Variants in EYS observed in about 807,000 individuals in gnomAD.
EYS encodes protein eyes shut homolog.
A neutral mutation model predicts 282.1 loss-of-function variants in EYS; 250 were observed. That is an observed-to-expected ratio of 0.89 (90% confidence interval 0.80 to 0.98). EYS has a LOEUF of 0.98. EYS is among the 50% of genes least tolerant of loss of function. The pLI is 0.00. For missense variants in EYS, 4,016 were observed against 3,709.0 expected, an observed-to-expected ratio of 1.08 and a Z score of -2.15; for synonymous variants, 1,355 against 1,282.9, an observed-to-expected ratio of 1.06 and a Z score of -1.20.
At chr6:64,326,554 T>C (rs1770429260) in intron 29 of EYS, among the ~76,000 whole-genome samples, 1 of 152,168 alleles carries the variant, frequency 6.6e-6, no homozygotes, top group African/African-American at 2.4e-5. Flanking sequence ...GTTATCACCT[T>C]AATTTGATAA....
rs372017506 is a variant in EYS at position 64,273,402 on chromosome 6, T to C, written c.6191+33568A>G. Among the ~76,000 whole-genome samples the C allele has an allele frequency of 1.2e-4, 19 of 152,340 alleles. No homozygotes were observed. The East Asian group carries it at 3.3e-3, about 26-fold the overall frequency. On this transcript the variant is annotated intron_variant, in intron 30 of 42. Transcript: ENST00000503581. The stretch of plus-strand genomic sequence containing the variant: ...TAATCATCTGCAATCTAATCTTTCT[T>C]GGGATAAATCTGTCCTCAGTGTTTT...
intron 35 of EYS, among the ~76,000 whole-genome samples, chr6:63,885,938 T>C (rs542238838): frequency 6.6e-5 from 10 of 152,222 alleles, no homozygotes; most frequent in Non-Finnish European, 1.3e-4. Context: ...CAAATAAGTA[T>C]TTGTTGAACA....
At chr6:63,841,358 T>C (rs1771952663) in intron 36 of EYS, among the ~76,000 whole-genome samples, 1 of 152,222 alleles carries the variant, frequency 6.6e-6, no homozygotes, top group Non-Finnish European at 1.5e-5. Context: ...CCACAGGTTT[T>C]AAGGGTTCTA....
At chr6:65,201,396 T>G (rs1562019322) in intron 12 of EYS, among the ~76,000 whole-genome samples, 1 of 152,176 alleles carries the variant, frequency 6.6e-6, no homozygotes, top group Non-Finnish European at 1.5e-5. Context: ...CCTGATATAT[T>G]TTAATAATGT....
At chr6:64,610,081 A>G (rs1767060694) in intron 24 of EYS, among the ~76,000 whole-genome samples, 1 of 152,108 alleles carries the variant, frequency 6.6e-6, no homozygotes, top group Admixed American at 6.6e-5. Flanking sequence ...CCAACTCTCC[A>G]ATGGGTTAAC....
intron 15 of EYS, among the ~76,000 whole-genome samples, chr6:64,913,214 G>A (rs1263269803): frequency 6.6e-6 from 1 of 152,092 alleles, no homozygotes; most frequent in Non-Finnish European, 1.5e-5. Flanking sequence ...GGCTTTGTGT[G>A]TGTGTTGAAT....
intron 29 of EYS, among the ~76,000 whole-genome samples, chr6:64,311,562 C>T (rs1031946732): frequency 5.3e-5 from 8 of 152,192 alleles, no homozygotes; most frequent in Non-Finnish European, 4.4e-5. Flanking sequence ...ATAATAAAAA[C>T]AAAATTCTCG....
Position 64,886,717 on chromosome 6 carries a change from A to T in EYS, c.2972T>A (p.Leu991His). 4 of 1,545,888 alleles carry T rather than the reference A, an allele frequency of 2.6e-6. No homozygotes were observed. The highest frequency in any genetic ancestry group is 3.5e-6 in the Non-Finnish European group (4 of 1,144,000). ...TTTACCTGTATAACCAGGGGCACAG[A>T]GGCAGTTGTATCCATCAGTCCTGTA... ...CVYRTDGYNC[L>H]CAPGYTGINC... Residue 991 changes from leucine to histidine, a missense_variant, in exon 19 of 43, where the codon CTC (leucine) becomes CAC (histidine). Transcript: ENST00000503581.
intron 1 of EYS, among the ~76,000 whole-genome samples, chr6:65,695,381 A>G (rs1769410952): frequency 1.3e-5 from 2 of 152,150 alleles, no homozygotes; most frequent in African/African-American, 4.8e-5. Flanking sequence ...AGTGAAGAGT[A>G]GAATTAAAAC....
In EYS at chr6:64,121,877, C is replaced by G. The variant is rs565636407; in HGVS notation, c.6425-39875G>C. On this transcript the variant is annotated intron_variant, in intron 31 of 42. Transcript: ENST00000503581. Reference sequence around the variant, plus strand: ...TCCCAGTACCCATCATGGAGCTCATCTATAGACAGGGCTTAGTCAATACAC... The same window carrying G: ...TCCCAGTACCCATCATGGAGCTCATGTATAGACAGGGCTTAGTCAATACAC... Among the ~76,000 whole-genome samples, 36 of 152,268 alleles carry G rather than the reference C, an allele frequency of 2.4e-4. 1 individual carries two copies. The South Asian group carries it at 3.3e-3, about 14-fold the overall frequency.
At chr6:65,516,919 G>T (rs1460174060) in intron 2 of EYS, among the ~76,000 whole-genome samples, 1 of 151,966 alleles carries the variant, frequency 6.6e-6, no homozygotes, top group Non-Finnish European at 1.5e-5. Flanking sequence ...GAACAAAAGA[G>T]TTTCAAGTTA....
intron 1 of EYS, among the ~76,000 whole-genome samples, chr6:65,654,203 A>T (rs1454839184): frequency 6.6e-6 from 1 of 151,870 alleles, no homozygotes; most frequent in Non-Finnish European, 1.5e-5. Flanking sequence ...AGTTTCTTTT[A>T]AAAAAGGTAG....
intron 35 of EYS, among the ~76,000 whole-genome samples, chr6:63,943,928 C>A (rs1454000545): frequency 6.6e-6 from 1 of 152,096 alleles, no homozygotes; most frequent in African/African-American, 2.4e-5. Context: ...TAAGTGGATG[C>A]AGGAAGAAAG....
intron 24 of EYS, among the ~76,000 whole-genome samples, chr6:64,617,191 GTT>G (rs1767300796): frequency 6.6e-6 from 1 of 151,980 alleles, no homozygotes; most frequent in African/African-American, 2.4e-5. Flanking sequence ...GTGTGGATCA[GTT>G]TATCAGAATG....
chr6:64,485,392 A>T (rs920893404), intron 26 of EYS, among the ~76,000 whole-genome samples: 1 of 151,650 alleles, frequency 6.6e-6, no homozygotes, highest in African/African-American at 2.4e-5. Flanking sequence ...AACTGAAAGA[A>T]ACCTAAGGAT....
At chr6:64,073,857 A>G (rs1345688972) in intron 32 of EYS, among the ~76,000 whole-genome samples, 2 of 151,650 alleles carry the variant, frequency 1.3e-5, no homozygotes, top group Non-Finnish European at 3.0e-5. Flanking sequence ...ATAATGTTCT[A>G]ATTTGTGCTA....
At chr6:65,533,807 T>C (rs1767871154) in intron 2 of EYS, among the ~76,000 whole-genome samples, 1 of 152,144 alleles carries the variant, frequency 6.6e-6, no homozygotes, top group African/African-American at 2.4e-5. Context: ...TACATTTCTG[T>C]TGTTTATAAG....
chr6:63,754,580 C>A (rs1402919249), intron 41 of EYS, among the ~76,000 whole-genome samples: 1 of 152,134 alleles, frequency 6.6e-6, no homozygotes, highest in African/African-American at 2.4e-5. Flanking sequence ...TTTTCTTTAT[C>A]CAGTCTATCA....
intron 29 of EYS, among the ~76,000 whole-genome samples, chr6:64,355,784 C>G (rs116630815): frequency 1.3e-3 from 194 of 151,734 alleles, no homozygotes; most frequent in Non-Finnish European, 2.6e-3. Flanking sequence ...AGAGCTCTCC[C>G]TAGCAGAGTT....
Sources: allele counts gnomAD v4.1 joint callset (sites outside exome capture counted in the v4.1 genomes callset), GRCh38; gene constraint gnomAD v4.1.1; transcripts MANE v1.5; gene names NCBI Gene and HGNC (gene_info 2026-07-23, HGNC 2026-07-21).